Variants in GARIN1B observed in about 807,000 individuals in gnomAD.
The protein encoded by GARIN1B is golgi associated RAB2 interactor 1B, also known as Golgi-associated RAB2 interactor protein 1B.
the GARIN1B span, among the ~76,000 whole-genome samples, chr7:128,729,177 A>G: frequency 6.6e-6 from 1 of 152,112 alleles, no homozygotes; most frequent in Non-Finnish European, 1.5e-5. Flanking sequence ...TCGGCGAGGG[A>G]GTGTAGTCTC....
the GARIN1B span, among the ~76,000 whole-genome samples, chr7:128,709,728 TTCTC>T: frequency 2.9e-5 from 2 of 69,508 alleles, no homozygotes; most frequent in African/African-American, 9.3e-5. Context: ...GCTAGACAAA[TTCTC>T]TCTCTCTCTC....
the GARIN1B span, among the ~76,000 whole-genome samples, chr7:128,718,000 A>G: frequency 6.6e-6 from 1 of 152,106 alleles, no homozygotes; most frequent in African/African-American, 2.4e-5. Flanking sequence ...TCTAGCAAGT[A>G]CCACCCAGTC....
the GARIN1B span, chr7:128,723,462 C>A: frequency 9.9e-7 from 1 of 1,013,946 alleles, no homozygotes; most frequent in Non-Finnish European, 1.4e-6. Flanking sequence ...CCTGTATTCC[C>A]GGCACTTTGG....
chr7:128,729,916 C>G, the GARIN1B span: 6 of 1,613,564 alleles, frequency 3.7e-6, no homozygotes, highest in Non-Finnish European at 5.1e-6. Context: ...AGATTCTTCC[C>G]GTGAAGACAG....
At chr7:128,721,960 G>T in the GARIN1B span, among the ~76,000 whole-genome samples, 1 of 151,864 alleles carries the variant, frequency 6.6e-6, no homozygotes, top group South Asian at 2.1e-4. Flanking sequence ...AATCTGCCTG[G>T]TCACGGTGTA....
the GARIN1B span, among the ~76,000 whole-genome samples, chr7:128,713,378 C>G: frequency 6.6e-6 from 1 of 152,134 alleles, no homozygotes; most frequent in Non-Finnish European, 1.5e-5. Flanking sequence ...GTATCTGTCA[C>G]ATGGTTTCTA....
the GARIN1B span, among the ~76,000 whole-genome samples, chr7:128,720,531 T>G: frequency 1.3e-5 from 2 of 152,242 alleles, no homozygotes; most frequent in Non-Finnish European, 2.9e-5. Context: ...CTAAGAACTC[T>G]TTGTTCATTC....
At chr7:128,724,469 T>A in the GARIN1B span, among the ~76,000 whole-genome samples, 3 of 152,034 alleles carry the variant, frequency 2.0e-5, no homozygotes, top group African/African-American at 4.8e-5. Context: ...TAATATAGAG[T>A]CTGTTCTGGA....
chr7:128,720,443 G>A, the GARIN1B span, among the ~76,000 whole-genome samples: 7 of 151,878 alleles, frequency 4.6e-5, no homozygotes, highest in Admixed American at 2.0e-4. Context: ...CAAGTGATCC[G>A]CCTGCCTCAG....
the GARIN1B span, chr7:128,730,140 T>A: frequency 2.0e-4 from 295 of 1,503,240 alleles, no homozygotes; most frequent in Non-Finnish European, 2.5e-4. Flanking sequence ...CTGGGTCAGA[T>A]CCTGGGGTCC....
the GARIN1B span, chr7:128,724,961 G>T: frequency 2.9e-6 from 3 of 1,043,138 alleles, no homozygotes; most frequent in Non-Finnish European, 2.5e-6. Context: ...TCAGTCTTCA[G>T]ATCTGTAAAA....
At chr7:128,731,329 A>T in the GARIN1B span, 3 of 611,378 alleles carry the variant, frequency 4.9e-6, no homozygotes, top group African/African-American at 5.5e-5. Flanking sequence ...CCACTGCCAG[A>T]GCTGGCCTAG....
At chr7:128,728,606 G>T in the GARIN1B span, among the ~76,000 whole-genome samples, 4 of 152,186 alleles carry the variant, frequency 2.6e-5, no homozygotes, top group Non-Finnish European at 5.9e-5. Context: ...GAAAGTGAAA[G>T]CTTCAATTAA....
At chr7:128,719,573 A>G in the GARIN1B span, among the ~76,000 whole-genome samples, 1 of 151,606 alleles carries the variant, frequency 6.6e-6, no homozygotes, top group Non-Finnish European at 1.5e-5. Context: ...CTTACAACAT[A>G]TAGTCTTTTG....
the GARIN1B span, among the ~76,000 whole-genome samples, chr7:128,730,872 C>CT: frequency 1.7e-3 from 253 of 152,278 alleles, no homozygotes; most frequent in Non-Finnish European, 2.9e-3. Context: ...GTCTCGAACT[C>CT]TCGACCTCAG....
chr7:128,726,821 G>A, the GARIN1B span: 2 of 1,613,680 alleles, frequency 1.2e-6, no homozygotes, highest in Non-Finnish European at 1.7e-6. Flanking sequence ...TCCTGAAATG[G>A]CTCGAGTTTC....
chr7:128,719,697 C>CTTTTT, the GARIN1B span, among the ~76,000 whole-genome samples: 7 of 99,008 alleles, frequency 7.1e-5, no homozygotes, highest in Non-Finnish European at 7.8e-5. Flanking sequence ...TTTTGTTTTG[C>CTTTTT]TTTTTTTTTT....
chr7:128,710,075 A>T, the GARIN1B span, among the ~76,000 whole-genome samples: 2 of 151,668 alleles, frequency 1.3e-5, no homozygotes, highest in African/African-American at 4.9e-5. Context: ...CTGCCACTAC[A>T]CCTGGCTAAT....
chr7:128,730,592 C>A, the GARIN1B span, among the ~76,000 whole-genome samples: 1 of 152,152 alleles, frequency 6.6e-6, no homozygotes, highest in Admixed American at 6.5e-5. Flanking sequence ...AGATAGATTT[C>A]CCTAAAAGGG....
Sources: allele counts gnomAD v4.1 joint callset (sites outside exome capture counted in the v4.1 genomes callset), GRCh38; gene constraint gnomAD v4.1.1; transcripts MANE v1.5; gene names NCBI Gene and HGNC (gene_info 2026-07-23, HGNC 2026-07-21).